Variants in NPC1 observed in about 807,000 individuals in gnomAD.
NPC1 encodes the protein NPC intracellular cholesterol transporter 1.
NPC1 carries 85 observed loss-of-function variants against 140.4 expected under a neutral mutation model. The ratio of observed to expected loss-of-function variants is 0.61; its 90% confidence interval spans 0.51 to 0.72. The LOEUF (loss-of-function observed/expected upper bound fraction) is 0.72, where lower values mean the gene tolerates loss of function less well. Among genes scored for constraint, NPC1 ranks in the 30% least tolerant of loss-of-function variants. The pLI, the probability that NPC1 is intolerant of heterozygous loss-of-function variation, is 0.00. For synonymous variants in NPC1, 656 were observed against 624.8 expected, an observed-to-expected ratio of 1.05 and a Z score of -0.74; for missense variants, 1,504 against 1,623.8, an observed-to-expected ratio of 0.93 and a Z score of 1.27.
chr18:23,526,622 C>T, downstream of NPC1: 1 of 1,612,498 alleles, frequency 6.2e-7, no homozygotes. Flanking sequence ...TTATTTGCTG[C>T]CTCTTAAAAT....
rs968071821 is a variant in NPC1, at chr18:23,560,374, G to A, written c.738C>T (p.Val246=). The change falls in exon 6 of 25, where the codon GTC becomes GTT. Residue 246 remains valine (V), a synonymous_variant. Transcript: ENST00000269228. Reference sequence around the variant, plus strand: ...GTGGGGGCTGGGGCTTGGGGCCACAGACAATAGAGCAGTCTTGGCAGCTAC... The same window carrying A: ...GTGGGGGCTGGGGCTTGGGGCCACAAACAATAGAGCAGTCTTGGCAGCTAC... ...APCSCQDCSI[V]CGPKPQPPPP... 5 of 1,614,108 alleles carry A rather than the reference G, an allele frequency of 3.1e-6. No homozygotes were observed. The African/African-American group carries it at 4.0e-5, about 13-fold the overall frequency.
rs1044443706 is a variant in NPC1 at position 23,561,509 on chromosome 18, C to T, written c.482G>A (p.Arg161Gln). The change falls in exon 5 of 25, where the codon CGG becomes CAG. Residue 161 changes from arginine (R) to glutamine (Q), a missense_variant. Transcript: ENST00000269228. ...SFANAMYNACRDVEAPSSNDK... is the reference protein window; with the variant it reads ...SFANAMYNACQDVEAPSSNDK... ...ATTACTTGAGGGGGCCTCCACATCCCGGCAGGCATTGTACATTGCTAGAAG... is the reference window on the plus strand; with the variant it reads ...ATTACTTGAGGGGGCCTCCACATCCTGGCAGGCATTGTACATTGCTAGAAG... 15 of 1,613,984 alleles carry T rather than the reference C, an allele frequency of 9.3e-6. 1 individual carries two copies. The highest frequency in any genetic ancestry group is 2.2e-5 in the South Asian group (2 of 91,082).
chr18:23,516,520 C>A (rs746253204), intron 3 of NPC1: 66 of 1,246,810 alleles, frequency 5.3e-5, no homozygotes, highest in Non-Finnish European at 7.5e-5. Context: ...TGCCCTGACC[C>A]CTAGAACACA....
At chr18:23,564,344 T>G (rs1358322076) in intron 4 of NPC1, among the ~76,000 whole-genome samples, 1 of 151,906 alleles carries the variant, frequency 6.6e-6, no homozygotes, top group Non-Finnish European at 1.5e-5. Context: ...TGCAAATATA[T>G]TCTTGTCCTT....
chr18:23,520,261 C>T (rs762588766), downstream of NPC1: 1 of 1,614,134 alleles, frequency 6.2e-7, no homozygotes. Context: ...TTACCTTCCA[C>T]CACCCCGTGC....
Position 23,510,808 on chromosome 18 carries a change from A to G in NPC1, c.432-4166T>C, listed in dbSNP as rs185915025. The stretch of plus-strand genomic sequence containing the variant: ...TCACACTAGTCAGCATAGCCATTAT[A>G]AAAAAGTCAAAGAATAACAGATACT... On this transcript the variant is annotated intron_variant, in intron 3 of 3. Coordinates refer to the NPC1 transcript ENST00000591107. Among the ~76,000 whole-genome samples the G allele has an allele frequency of 1.6e-3, 242 of 152,364 alleles. 1 individual carries two copies. The highest frequency in any genetic ancestry group is 5.5e-3 in the African/African-American group (229 of 41,588).
At chr18:23,534,998 G>A (rs1450110648) in intron 22 of NPC1, among the ~76,000 whole-genome samples, 5 of 152,100 alleles carry the variant, frequency 3.3e-5, no homozygotes, top group African/African-American at 1.2e-4. Flanking sequence ...TAACCACATA[G>A]GAGGCAAAAG....
chr18:23,578,570 G>A lies in NPC1; in HGVS notation c.58-4996C>T, dbSNP rs547286619. Among the ~76,000 whole-genome samples the A allele has an allele frequency of 1.6e-3, 242 of 151,654 alleles. 1 individual carries two copies. The highest frequency in any genetic ancestry group is 5.5e-3 in the African/African-American group (229 of 41,318). ...GCCTCTGCAGCTGCTCCACCTCAGG[G>A]GCCTCCACACCTCCATCTCTTTCTC... is the stretch of plus-strand genomic sequence containing the variant. On this transcript the variant is annotated intron_variant, in intron 1 of 24. Coordinates refer to ENST00000269228, the MANE Select transcript of NPC1 (RefSeq NM_000271.5).
chr18:23,554,966 C>A lies in NPC1; in HGVS notation c.1345G>T (p.Ala449Ser). Residue 449 changes from alanine to serine, a missense_variant, in exon 9 of 25, where the codon GCC (alanine) becomes TCC (serine). Coordinates refer to ENST00000269228, the MANE Select transcript of NPC1 (RefSeq NM_000271.5). ...ILHQVLDLQIAIENITASYDN... is the reference protein window; with the variant it reads ...ILHQVLDLQISIENITASYDN... ...TAAGAGGCAGTAATGTTTTCGATGG[C>A]TATTTGTAAGTCAAGAACCTGAAAG... 2.5e-6 allele frequency: 4 copies of A among 1,612,164 alleles called. No homozygotes were observed. Among genetic ancestry groups the A allele is most frequent in the Non-Finnish European group, 3.4e-6 (4 of 1,178,246 alleles).
chr18:23,523,543 C>CAAAAAAAAAAAAAA (rs374224848), intron 1 of NPC1, among the ~76,000 whole-genome samples: 6 of 76,376 alleles, frequency 7.9e-5, no homozygotes, highest in African/African-American at 2.3e-4. Context: ...CTTGTCTTCA[C>CAAAAAAAAAAAAAA]AAAAAAAAAA....
At chr18:23,547,488 C>T (rs940959493) in intron 11 of NPC1, among the ~76,000 whole-genome samples, 1 of 152,166 alleles carries the variant, frequency 6.6e-6, no homozygotes, top group Non-Finnish European at 1.5e-5. Flanking sequence ...CACCTGTAAT[C>T]CCGGCACTTT....
intron 19 of NPC1, 60 bp downstream of exon 19, chr18:23,539,295 T>C: frequency 8.3e-7 from 1 of 1,201,136 alleles, no homozygotes; most frequent in Non-Finnish European, 1.2e-6. Flanking sequence ...AAATGATTTT[T>C]AAATGATAAT....
chr18:23,529,897 A>AT, downstream of NPC1: 1 of 1,068,834 alleles, frequency 9.4e-7, no homozygotes, highest in Non-Finnish European at 1.4e-6. Flanking sequence ...CTTTACCTGC[A>AT]TGACGAAACC....
chr18:23,532,810 C>A, intron 24 of NPC1: 1 of 913,416 alleles, frequency 1.1e-6, no homozygotes, highest in Non-Finnish European at 1.3e-6. Context: ...TACTTCAGTG[C>A]TTCAATTTAG....
At chr18:23,514,245 GT>G (rs1186209810) in intron 3 of NPC1, among the ~76,000 whole-genome samples, 1 of 152,244 alleles carries the variant, frequency 6.6e-6, no homozygotes, top group African/African-American at 2.4e-5. Flanking sequence ...GCTGGGCACG[GT>G]GGCTCATGCC....
downstream of NPC1, chr18:23,518,807 A>T: frequency 8.2e-7 from 1 of 1,224,058 alleles, no homozygotes; most frequent in Non-Finnish European, 1.2e-6. Flanking sequence ...AATATCTTAT[A>T]ATTTACTTAA....
chr18:23,523,266 T>C (rs1422582406), intron 1 of NPC1, among the ~76,000 whole-genome samples: 1 of 152,144 alleles, frequency 6.6e-6, no homozygotes, highest in East Asian at 1.9e-4. Flanking sequence ...CCAGGAGTCA[T>C]GGTTAGCTTG....
chr18:23,506,553 C>T lies in NPC1; in HGVS notation c.523G>A (p.Ala175Thr), dbSNP rs144610056. ...TTCACTTTTTAACATCTGTCTGAGG[C>T]GGTCATGAGACACTGTAGTGGAGCC... The change falls in exon 4 of 4, where the codon GCC becomes ACC. Residue 175 changes from alanine (A) to threonine (T), a missense_variant. Physicochemically the swap from Ala to Thr is moderately conservative, Grantham distance 58. Coordinates refer to the NPC1 transcript ENST00000591107. 615 of 180,818 alleles carry T rather than the reference C, an allele frequency of 3.4e-3. 7 individuals carry two copies. Among genetic ancestry groups the T allele is most frequent in the African/African-American group, 0.014 (585 of 41,704 alleles). The allele number at this position is 180,818 out of a possible 1,614,324, so 11.2% of individuals were successfully genotyped here.
At position 23,586,276 on chromosome 18, in the gene NPC1, C is replaced by G. The variant is rs548958639; in HGVS notation, c.57+11G>C. 193 of 1,531,972 alleles carry G rather than the reference C, an allele frequency of 1.3e-4. No homozygotes were observed. The African/African-American group carries it at 2.5e-3, about 19-fold the overall frequency. The allele number at this position is 1,531,972 out of a possible 1,614,324, so 94.9% of individuals were successfully genotyped here. On this transcript the variant is annotated intron_variant, in intron 1 of 24. Coordinates refer to ENST00000269228, the MANE Select transcript of NPC1 (RefSeq NM_000271.5). ...CCCCACAGGGCGTCCCGGTGGCCGGCGACCGCTCACCTGCGCTGGACACAG... is the reference window on the plus strand; with the variant it reads ...CCCCACAGGGCGTCCCGGTGGCCGGGGACCGCTCACCTGCGCTGGACACAG...
Sources: gnomAD v4.1 joint callset for allele counts (sites outside exome capture counted in the v4.1 genomes callset) on GRCh38, gnomAD v4.1.1 for gene constraint, MANE v1.5 for transcripts, NCBI Gene and HGNC (gene_info 2026-07-23, HGNC 2026-07-21) for gene names.